TEX9: variants seen among roughly 807,000 people sequenced by gnomAD.
TEX9 encodes the protein testis-expressed protein 9.
In TEX9, 74 loss-of-function variants were observed where a neutral mutation model predicts 59.6. The ratio of observed to expected loss-of-function variants is 1.24; its 90% CI spans 1.03 to 1.51. The LOEUF (loss-of-function observed/expected upper bound fraction) is 1.51. Ranked by LOEUF, TEX9 falls within the 40% of genes most tolerant of loss-of-function variation. TEX9 has a pLI of 0.00. For missense variants in TEX9, 522 were observed against 447.8 expected (o/e 1.17, Z -1.49); for synonymous variants, 186 against 152.2 (o/e 1.22, Z -1.64).
At chr15:56,271,343 C>T (rs2044526078) in intron 1 of TEX9, among the ~76,000 whole-genome samples, 1 of 152,190 alleles carries the variant, frequency 6.6e-6, no homozygotes, top group African/African-American at 2.4e-5. Context: ...TCTTTTTACT[C>T]TTTTTTCTCT....
At chr15:56,287,646 T>G (rs1377352717) in intron 1 of TEX9, among the ~76,000 whole-genome samples, 1 of 152,124 alleles carries the variant, frequency 6.6e-6, no homozygotes, top group Non-Finnish European at 1.5e-5. Context: ...CTAACTGAAA[T>G]TTTTTGTCTT....
At chr15:56,269,264 A>G (rs1395192864) in intron 1 of TEX9, among the ~76,000 whole-genome samples, 4 of 152,026 alleles carry the variant, frequency 2.6e-5, no homozygotes, top group African/African-American at 9.7e-5. Flanking sequence ...TTGATCTCAA[A>G]AAACCAGCTC....
intron 12 of TEX9, chr15:56,434,035 A>G: frequency 7.8e-7 from 1 of 1,279,334 alleles, no homozygotes; most frequent in Non-Finnish European, 1.1e-6. Flanking sequence ...ACATACTAAC[A>G]TTGTCTGGCA....
At chr15:56,294,907 A>G (rs1298303390) in intron 1 of TEX9, among the ~76,000 whole-genome samples, 2 of 152,182 alleles carry the variant, frequency 1.3e-5, no homozygotes, top group African/African-American at 4.8e-5. Flanking sequence ...AGAGACTGAC[A>G]AGGGTAGACA....
chr15:56,302,792 TA>T, intron 1 of TEX9, among the ~76,000 whole-genome samples: 1 of 152,220 alleles, frequency 6.6e-6, no homozygotes, highest in East Asian at 1.9e-4. Flanking sequence ...GAAGACCCAA[TA>T]ATCGGTTGCC....
intron 1 of TEX9, among the ~76,000 whole-genome samples, chr15:56,253,118 G>C (rs2044066737): frequency 6.6e-6 from 1 of 152,052 alleles, no homozygotes; most frequent in Admixed American, 6.6e-5. Flanking sequence ...GTCTGATAAA[G>C]CACAGGTCAT....
At chr15:56,454,994 G>A in the TEX9 span, among the ~76,000 whole-genome samples, 1 of 152,060 alleles carries the variant, frequency 6.6e-6, no homozygotes, top group Non-Finnish European at 1.5e-5. Context: ...TATTGGCCAA[G>A]CTCTGCTTCA....
rs1183803896 is a variant in TEX9 at position 56,313,616 on chromosome 15, T to C, written c.-106-59825T>C. Among the ~76,000 whole-genome samples, 5 of 134,690 alleles carry C rather than the reference T, an allele frequency of 3.7e-5. No homozygotes were observed. In the East Asian group the frequency reaches 1.1e-3, roughly 29 times the overall value. 88.4% of individuals were successfully genotyped at this position (134,690 alleles called of 152,430 possible). ...GATATTGGTCTAAAATTCTCTTTTTTTGTTGTGTCTCTGCCTGGCTTTGGT... is the reference window on the plus strand; with the variant it reads ...GATATTGGTCTAAAATTCTCTTTTTCTGTTGTGTCTCTGCCTGGCTTTGGT... On this transcript the variant is annotated intron_variant, in intron 1 of 5. Transcript: ENST00000560827.
chr15:56,280,079 TGTAA>T (rs1353738393), intron 1 of TEX9, among the ~76,000 whole-genome samples: 2 of 152,178 alleles, frequency 1.3e-5, no homozygotes, highest in Non-Finnish European at 1.5e-5. Context: ...CATAGGATAA[TGTAA>T]GTGTTATAAG....
chr15:56,331,863 G>GA (rs1376879537), intron 1 of TEX9, among the ~76,000 whole-genome samples: 1 of 146,916 alleles, frequency 6.8e-6, no homozygotes, highest in Non-Finnish European at 1.5e-5. Flanking sequence ...AAAAACACAT[G>GA]AAAAAATGCT....
chr15:56,249,628 CT>C (rs1408648293), intron 1 of TEX9, among the ~76,000 whole-genome samples: 1 of 149,794 alleles, frequency 6.7e-6, no homozygotes, highest in African/African-American at 2.5e-5. Context: ...ATCCCAGCTA[CT>C]TGGGAGGCTG....
At chr15:56,261,290 C>T (rs1209463711) in intron 1 of TEX9, among the ~76,000 whole-genome samples, 2 of 151,790 alleles carry the variant, frequency 1.3e-5, no homozygotes, top group Non-Finnish European at 2.9e-5. Flanking sequence ...GAGATGGTAA[C>T]TTAGAAATTA....
intron 9 of TEX9, among the ~76,000 whole-genome samples, chr15:56,407,693 A>G (rs535633027): frequency 6.6e-6 from 1 of 152,156 alleles, no homozygotes; most frequent in South Asian, 2.1e-4. Context: ...TCCCTCTCCC[A>G]CTTTTGGAGA....
rs368540573 is a variant in TEX9, at chr15:56,412,296, A to G, written c.829-6A>G. The G allele has an allele frequency of 1.4e-4, 222 of 1,597,944 alleles. No homozygotes were observed. The highest frequency in any genetic ancestry group is 1.8e-4 in the Non-Finnish European group (217 of 1,175,270). On this transcript the variant is annotated splice_region_variant and splice_polypyrimidine_tract_variant and intron_variant, in intron 9 of 12. Transcript: ENST00000352903. ...TAAATGTTCCATAATCTTTTTTACT[A>G]TACAGGAATTAGAAAATAAAAGAAG...
rs576340330 is a variant in TEX9, at chr15:56,385,775, A to G, written c.263+1744A>G. ...AACTATGGGTACCCCGCCTTCCAGT[A>G]TTCTAAGATCAAGAAGTAGGCTATA... On this transcript the variant is annotated intron_variant, in intron 4 of 12. Coordinates refer to ENST00000352903, the Ensembl canonical transcript of TEX9. Among the ~76,000 whole-genome samples the G allele has an allele frequency of 2.0e-5, 3 of 152,240 alleles. No individual in the cohort carries two copies. The East Asian group carries it at 5.8e-4, about 29-fold the overall frequency.
chr15:56,253,678 A>G (rs191247766), intron 1 of TEX9, among the ~76,000 whole-genome samples: 14 of 152,252 alleles, frequency 9.2e-5, no homozygotes, highest in East Asian at 5.8e-4. Context: ...GAATTGAGGT[A>G]TGGCAGGGAG....
intron 9 of TEX9, among the ~76,000 whole-genome samples, chr15:56,407,496 A>G (rs1046344483): frequency 2.2e-4 from 33 of 152,184 alleles, no homozygotes; most frequent in East Asian, 7.7e-4. Flanking sequence ...AAATTTGTAC[A>G]TAATATTCTT....
At chr15:56,287,225 A>G (rs1217442599) in intron 1 of TEX9, among the ~76,000 whole-genome samples, 4 of 152,194 alleles carry the variant, frequency 2.6e-5, no homozygotes, top group Non-Finnish European at 5.9e-5. Flanking sequence ...ACTAGCCACA[A>G]CTAGAGTAGA....
intron 3 of TEX9, among the ~76,000 whole-genome samples, chr15:56,379,958 C>A (rs1254550273): frequency 6.6e-6 from 1 of 151,274 alleles, no homozygotes; most frequent in South Asian, 2.1e-4. Flanking sequence ...AGCGACAGAT[C>A]ATGGGGTCTT....
Sources: allele counts gnomAD v4.1 joint callset (sites outside exome capture counted in the v4.1 genomes callset), GRCh38; gene constraint gnomAD v4.1.1; transcripts MANE v1.5; gene names NCBI Gene and HGNC (gene_info 2026-07-23, HGNC 2026-07-21).